Variants in DLG2 observed in about 807,000 individuals in gnomAD.
The protein encoded by DLG2 is discs large MAGUK scaffold protein 2.
Under a neutral mutation model 132.5 loss-of-function variants are expected in DLG2, and 45 were observed. The observed-to-expected ratio is 0.34, with a 90% CI of 0.27 to 0.44. The LOEUF (loss-of-function observed/expected upper bound fraction) is 0.44, where lower values mean the gene tolerates loss of function less well. Ranked by LOEUF, DLG2 falls within the 20% of genes least tolerant of loss-of-function variation. The probability of loss-of-function intolerance (pLI) is 1.00; values close to 1 mark genes in which losing one functional copy is unlikely to be tolerated. For synonymous variants in DLG2, 424 were observed against 419.6 expected (o/e 1.01, Z -0.13); for missense variants, 1,045 against 1,196.9 (o/e 0.87, Z 1.87).
chr11:84,537,883 G>T (rs541337262), intron 6 of DLG2, among the ~76,000 whole-genome samples: 1 of 152,292 alleles, frequency 6.6e-6, no homozygotes, highest in South Asian at 2.1e-4. Flanking sequence ...TTGGCTACTG[G>T]ATGAAAACTT....
chr11:85,389,101 A>T lies in DLG2; in HGVS notation c.41-103736T>A, dbSNP rs190132526. On this transcript the variant is annotated intron_variant, in intron 3 of 27. Coordinates refer to ENST00000376104, the MANE Select transcript of DLG2 (RefSeq NM_001142699.3). ...TGAAGTCCAAATAAAAGAAATTTTT[A>T]AAAAAGATACAGGATAGGAATGGAA... Among the ~76,000 whole-genome samples, 1,383 of 152,262 alleles carry T rather than the reference A, an allele frequency of 9.1e-3. 7 individuals are homozygous for T. The highest frequency in any genetic ancestry group is 0.012 in the Non-Finnish European group (813 of 68,030).
chr11:84,534,235 A>G (rs1281533804), intron 7 of DLG2, among the ~76,000 whole-genome samples: 1 of 152,218 alleles, frequency 6.6e-6, no homozygotes, highest in Admixed American at 6.5e-5. Flanking sequence ...ACGAGTACTG[A>G]CAAACAGAGA....
At chr11:84,324,816 T>A (rs1488894803) in intron 7 of DLG2, among the ~76,000 whole-genome samples, 3 of 152,146 alleles carry the variant, frequency 2.0e-5, no homozygotes, top group African/African-American at 4.8e-5. Flanking sequence ...TTTCCTTTCA[T>A]ATATTTTACT....
At chr11:83,506,144 C>T (rs770824298) in intron 21 of DLG2, among the ~76,000 whole-genome samples, 13 of 152,174 alleles carry the variant, frequency 8.5e-5, no homozygotes, top group Admixed American at 8.5e-4. Context: ...CTGGATGACC[C>T]GTAGTCAAAC....
intron 6 of DLG2, among the ~76,000 whole-genome samples, chr11:84,683,388 T>C (rs1303127108): frequency 6.6e-6 from 1 of 152,216 alleles, no homozygotes; most frequent in Non-Finnish European, 1.5e-5. Context: ...TGCCTGTATG[T>C]ACCTGTAAAT....
chr11:84,718,397 G>T (rs766037182), intron 6 of DLG2, among the ~76,000 whole-genome samples: 7 of 151,932 alleles, frequency 4.6e-5, no homozygotes, highest in Non-Finnish European at 7.4e-5. Context: ...CATAAAGAAA[G>T]TTAAACTAAT....
chr11:85,073,129 C>T (rs992467719), intron 6 of DLG2, among the ~76,000 whole-genome samples: 10 of 151,826 alleles, frequency 6.6e-5, no homozygotes, highest in African/African-American at 2.4e-4. Context: ...TACATATTTT[C>T]CCTTTGCCAT....
chr11:84,969,263 TA>T (rs1207694399), intron 6 of DLG2, among the ~76,000 whole-genome samples: 1 of 152,138 alleles, frequency 6.6e-6, no homozygotes, highest in Non-Finnish European at 1.5e-5. Flanking sequence ...ATGCAGTATC[TA>T]AAGTGACCAT....
chr11:85,114,090 T>C (rs2073182121), intron 5 of DLG2, among the ~76,000 whole-genome samples: 1 of 151,980 alleles, frequency 6.6e-6, no homozygotes. Flanking sequence ...AGGCAAGATC[T>C]AACATGGATC....
At chr11:84,722,991 T>C (rs544496046) in intron 6 of DLG2, among the ~76,000 whole-genome samples, 190 of 152,292 alleles carry the variant, frequency 1.2e-3, no homozygotes, top group African/African-American at 4.4e-3. Context: ...TAAAGTCAAA[T>C]GTACAGATTA....
At chr11:84,002,920 T>G (rs1388916814) in intron 11 of DLG2, among the ~76,000 whole-genome samples, 1 of 152,210 alleles carries the variant, frequency 6.6e-6, no homozygotes, top group Non-Finnish European at 1.5e-5. Context: ...TCTGTTTCCC[T>G]TATAAACTTA....
At chr11:84,611,395 T>C (rs1486247999) in intron 6 of DLG2, among the ~76,000 whole-genome samples, 1 of 152,172 alleles carries the variant, frequency 6.6e-6, no homozygotes, top group East Asian at 1.9e-4. Flanking sequence ...TGACCAGTGT[T>C]GTCAACTATT....
chr11:83,516,175 T>G lies in DLG2; in HGVS notation c.2193+16533A>C, dbSNP rs1193655326. ...GTGGGAGTGTAAGTCTCTTTGTAGG[T>G]CTCTAAGGACTTGCTTTATGAATCT... On this transcript the variant is annotated intron_variant, in intron 21 of 27. Coordinates refer to ENST00000376104, the MANE Select transcript of DLG2 (RefSeq NM_001142699.3). Among the ~76,000 whole-genome samples the G allele has an allele frequency of 3.3e-5, 5 of 152,160 alleles. No individual in the cohort carries two copies. The South Asian group carries it at 1.0e-3, about 32-fold the overall frequency.
intron 6 of DLG2, among the ~76,000 whole-genome samples, chr11:84,906,055 A>G (rs1181970571): frequency 6.6e-6 from 1 of 152,162 alleles, no homozygotes; most frequent in Non-Finnish European, 1.5e-5. Context: ...AGCACAAATA[A>G]TTGCTCTAAT....
intron 7 of DLG2, among the ~76,000 whole-genome samples, chr11:84,507,510 A>T (rs1486374446): frequency 6.6e-6 from 1 of 152,176 alleles, no homozygotes; most frequent in African/African-American, 2.4e-5. Flanking sequence ...TGAGTACTAG[A>T]TGCTGATAAA....
chr11:84,299,892 C>CA (rs1463742750), intron 7 of DLG2, among the ~76,000 whole-genome samples: 1 of 152,150 alleles, frequency 6.6e-6, no homozygotes, highest in African/African-American at 2.4e-5. Context: ...TTCCTTGGAA[C>CA]AACCAGAAGG....
intron 3 of DLG2, among the ~76,000 whole-genome samples, chr11:85,439,663 T>G (rs1381059525): frequency 6.6e-6 from 1 of 152,154 alleles, no homozygotes; most frequent in Non-Finnish European, 1.5e-5. Context: ...CCGGCCTGTT[T>G]CCTCAGCTTT....
chr11:85,178,165 G>A (rs1276559469), intron 4 of DLG2, among the ~76,000 whole-genome samples: 1 of 151,848 alleles, frequency 6.6e-6, no homozygotes, highest in Non-Finnish European at 1.5e-5. Flanking sequence ...ACAATATTTA[G>A]ACCAATGCTA....
At chr11:83,489,893 C>T (rs1007015657) in intron 21 of DLG2, among the ~76,000 whole-genome samples, 1 of 151,854 alleles carries the variant, frequency 6.6e-6, no homozygotes, top group African/African-American at 2.4e-5. Flanking sequence ...AGGTGAGATA[C>T]AAACGTGGTA....
Sources: gnomAD v4.1 joint callset for allele counts (sites outside exome capture counted in the v4.1 genomes callset) on GRCh38, gnomAD v4.1.1 for gene constraint, MANE v1.5 for transcripts, NCBI Gene and HGNC (gene_info 2026-07-23, HGNC 2026-07-21) for gene names.